MYO16: variants seen among roughly 807,000 people sequenced by gnomAD.
MYO16 encodes the protein myosin XVI, also known as unconventional myosin-XVI.
Under a neutral mutation model 205.3 loss-of-function variants are expected in MYO16, and 94 were observed. The observed-to-expected ratio is 0.46, with a 90% CI of 0.39 to 0.54. MYO16 has a LOEUF of 0.54. Ranked by LOEUF, MYO16 falls within the 20% of genes least tolerant of loss-of-function variation. The pLI is 0.00. For synonymous variants in MYO16, 988 were observed against 954.0 expected, an observed-to-expected ratio of 1.04 and a Z score of -0.66; for missense variants, 2,315 against 2,387.5, an observed-to-expected ratio of 0.97 and a Z score of 0.63.
intron 4 of MYO16, among the ~76,000 whole-genome samples, chr13:108,738,146 T>C (rs909697045): frequency 6.6e-6 from 1 of 151,554 alleles, no homozygotes. Context: ...TCAGTTCTGC[T>C]CTGATCTTAG....
chr13:108,904,312 T>C (rs1880856413), intron 15 of MYO16, among the ~76,000 whole-genome samples: 1 of 152,186 alleles, frequency 6.6e-6, no homozygotes, highest in South Asian at 2.1e-4. Context: ...CAGGATTGAG[T>C]GACTTATAAA....
In MYO16 at chr13:109,178,114, G is replaced by A. The variant is rs185067597; in HGVS notation, c.5324-1428G>A. Among the ~76,000 whole-genome samples the A allele has an allele frequency of 5.2e-3, 785 of 152,148 alleles. 3 individuals are homozygous for A. The highest frequency in any genetic ancestry group is 7.3e-3 in the Non-Finnish European group (494 of 67,986). ...TTTCCTGAAATTTCATATTGTGCCTGATCTTGGATTGACACACTCCCTTCC... is the reference window on the plus strand; with the variant it reads ...TTTCCTGAAATTTCATATTGTGCCTAATCTTGGATTGACACACTCCCTTCC... On this transcript the variant is annotated intron_variant, in intron 33 of 34. Coordinates refer to ENST00000457511, the MANE Select transcript of MYO16 (RefSeq NM_001198950.3).
intron 16 of MYO16, among the ~76,000 whole-genome samples, chr13:108,927,116 AAGAGAG>A (rs141822029): frequency 2.0e-4 from 30 of 149,454 alleles, no homozygotes; most frequent in Admixed American, 1.7e-3. Flanking sequence ...TCAACAACTG[AAGAGAG>A]AGAGAGAGAG....
At chr13:108,587,452 G>A in the MYO16 span, among the ~76,000 whole-genome samples, 1 of 151,770 alleles carries the variant, frequency 6.6e-6, no homozygotes, top group Non-Finnish European at 1.5e-5. Flanking sequence ...TCATCATCAG[G>A]GGCCATATGA....
chr13:108,546,103 T>TAA, the MYO16 span, among the ~76,000 whole-genome samples: 2 of 152,168 alleles, frequency 1.3e-5, no homozygotes, highest in East Asian at 3.9e-4. Flanking sequence ...CTCATGGGTA[T>TAA]AAGGCCCCCA....
intron 23 of MYO16, among the ~76,000 whole-genome samples, chr13:109,023,740 T>TATATGTATATATGCATATATACAA (rs1886246708): frequency 1.8e-5 from 1 of 57,068 alleles, no homozygotes. Flanking sequence ...CATATATACA[T>TATATGTATATATGCATATATACAA]ATATACGTAT....
At chr13:108,876,678 T>G (rs1374158316) in intron 12 of MYO16, among the ~76,000 whole-genome samples, 2 of 151,820 alleles carry the variant, frequency 1.3e-5, no homozygotes, top group Admixed American at 1.3e-4. Context: ...TCTTTTTTTT[T>G]TTTTTTGAGA....
At chr13:108,536,679 G>A in the MYO16 span, among the ~76,000 whole-genome samples, 1 of 152,128 alleles carries the variant, frequency 6.6e-6, no homozygotes, top group Non-Finnish European at 1.5e-5. Flanking sequence ...GTTAATGAAG[G>A]AATACCTGAA....
At chr13:108,868,883 G>A (rs558698306) in intron 12 of MYO16, among the ~76,000 whole-genome samples, 2 of 147,854 alleles carry the variant, frequency 1.4e-5, no homozygotes, top group East Asian at 4.0e-4. Flanking sequence ...TCGTGCCACT[G>A]CACTCCAGGC....
the MYO16 span, among the ~76,000 whole-genome samples, chr13:108,499,073 A>G: frequency 2.4e-4 from 36 of 152,314 alleles, no homozygotes; most frequent in Admixed American, 1.1e-3. Context: ...TGTGCTATTC[A>G]GTAAGGATTC....
intron 3 of MYO16, among the ~76,000 whole-genome samples, chr13:108,714,257 A>G (rs957487712): frequency 2.0e-5 from 3 of 152,068 alleles, no homozygotes; most frequent in Non-Finnish European, 4.4e-5. Flanking sequence ...GGGTTTCACC[A>G]TGTTCGCTAG....
At chr13:109,020,359 G>A (rs1404143343) in intron 23 of MYO16, among the ~76,000 whole-genome samples, 2 of 152,124 alleles carry the variant, frequency 1.3e-5, no homozygotes, top group Admixed American at 6.6e-5. Context: ...AACCAGGTTT[G>A]TAAAACATGC....
At position 109,181,058 on chromosome 13, in the gene MYO16, G is replaced by C. The variant is rs575838721; in HGVS notation, c.5415+1425G>C. 1.4e-3 allele frequency among the ~76,000 whole-genome samples: 206 copies of C among 152,342 alleles called. 2 individuals carry two copies. The highest frequency in any genetic ancestry group is 4.6e-3 in the African/African-American group (192 of 41,584). The stretch of plus-strand genomic sequence containing the variant: ...CTGCAATGTGGTTCTTAGACAAAGG[G>C]AGTCATTTGAAAGACGGTGTATATA... On this transcript the variant is annotated intron_variant, in intron 34 of 34. Transcript: ENST00000457511.
At chr13:108,705,348 CAGA>C (rs1474886851) in intron 2 of MYO16, among the ~76,000 whole-genome samples, 1 of 152,170 alleles carries the variant, frequency 6.6e-6, no homozygotes, top group African/African-American at 2.4e-5. Context: ...GACCTATCAT[CAGA>C]AGGTCAGTTG....
intron 9 of MYO16, among the ~76,000 whole-genome samples, chr13:108,836,408 C>A (rs1262096225): frequency 6.6e-6 from 1 of 152,186 alleles, no homozygotes; most frequent in African/African-American, 2.4e-5. Flanking sequence ...AGAAGCCCTG[C>A]TAGGGCAGTG....
At chr13:108,814,837 A>C (rs1887400467) in intron 7 of MYO16, among the ~76,000 whole-genome samples, 3 of 152,230 alleles carry the variant, frequency 2.0e-5, no homozygotes. Context: ...CAAAATGCTC[A>C]GCATGAATGA....
chr13:109,136,909 C>A (rs1376387410), intron 31 of MYO16, among the ~76,000 whole-genome samples: 1 of 152,206 alleles, frequency 6.6e-6, no homozygotes, highest in Non-Finnish European at 1.5e-5. Context: ...ATGTAACAAA[C>A]CTCTCCAACT....
intron 1 of MYO16, among the ~76,000 whole-genome samples, chr13:108,661,981 T>A (rs899897080): frequency 1.1e-4 from 17 of 152,158 alleles, no homozygotes; most frequent in African/African-American, 4.1e-4. Flanking sequence ...GGGTGTTCCT[T>A]TGATGTAGTA....
intron 2 of MYO16, among the ~76,000 whole-genome samples, chr13:108,700,423 G>A (rs889547438): frequency 6.6e-6 from 1 of 151,620 alleles, no homozygotes; most frequent in African/African-American, 2.4e-5. Context: ...GTGTTTTGTG[G>A]TCCTTTGACG....
Sources: gnomAD v4.1 joint callset for allele counts (sites outside exome capture counted in the v4.1 genomes callset) on GRCh38, gnomAD v4.1.1 for gene constraint, MANE v1.5 for transcripts, NCBI Gene and HGNC (gene_info 2026-07-23, HGNC 2026-07-21) for gene names.